Variants in CKAP2L observed in about 807,000 individuals in gnomAD.
CKAP2L encodes cytoskeleton associated protein 2L.
CKAP2L carries 42 observed loss-of-function variants against 65.7 expected under a neutral mutation model. The ratio of observed to expected loss-of-function variants is 0.64; its 90% CI spans 0.50 to 0.83. The LOEUF (loss-of-function observed/expected upper bound fraction) is 0.83. Ranked by LOEUF, CKAP2L falls within the 40% of genes least tolerant of loss-of-function variation. CKAP2L has a pLI of 0.00. For missense variants in CKAP2L, 908 were observed against 871.0 expected, an observed-to-expected ratio of 1.04 and a Z score of -0.53; for synonymous variants, 325 against 313.5, an observed-to-expected ratio of 1.04 and a Z score of -0.39.
At chr2:112,753,688 C>T (rs1182582728) in intron 4 of CKAP2L, among the ~76,000 whole-genome samples, 3 of 151,898 alleles carry the variant, frequency 2.0e-5, no homozygotes, top group East Asian at 1.9e-4. Flanking sequence ...CCACCACACC[C>T]GGCTAATTTT....
chr2:112,760,682 CA>C, intron 3 of CKAP2L, 30 bp downstream of exon 3: 1 of 1,088,798 alleles, frequency 9.2e-7, no homozygotes, highest in Non-Finnish European at 1.4e-6. Flanking sequence ...CTTATGAATG[CA>C]TATTTTTAAA....
Position 112,756,111 on chromosome 2 carries a change from G to C in CKAP2L, c.1260C>G (p.Ser420=). 1.2e-6 allele frequency: 2 copies of C among 1,614,016 alleles called. No homozygotes were observed. Among genetic ancestry groups the C allele is most frequent in the South Asian group, 2.2e-5 (2 of 91,054 alleles). ...GFQQKAQTLD[S]KLKKAVPQNH... The stretch of plus-strand genomic sequence containing the variant: ...TCTGGGGAACAGCCTTTTTCAACTT[G>C]GAGTCCAAAGTCTGTGCTTTTTGCT... Residue 420 remains serine (S), a synonymous_variant, in exon 4 of 9, where the codon TCC becomes TCG. Transcript: ENST00000302450.
chr2:112,743,470 C>T (rs551397515), intron 6 of CKAP2L, among the ~76,000 whole-genome samples: 1 of 151,494 alleles, frequency 6.6e-6, no homozygotes, highest in African/African-American at 2.4e-5. Flanking sequence ...GAGATGGAGT[C>T]TCTGTCACCC....
At chr2:112,741,940 G>GTTTTTTTTTTTTT (rs57634251) in intron 7 of CKAP2L, among the ~76,000 whole-genome samples, 1 of 71,900 alleles carries the variant, frequency 1.4e-5, no homozygotes, top group African/African-American at 5.6e-5. Context: ...TTTCTTTTCT[G>GTTTTTTTTTTTTT]TTTTTTTTTT....
chr2:112,754,180 C>T (rs1411445335), intron 4 of CKAP2L, among the ~76,000 whole-genome samples: 2 of 152,322 alleles, frequency 1.3e-5, no homozygotes, highest in Admixed American at 6.5e-5. Flanking sequence ...CCTCATGCTC[C>T]TTGGTAGTCA....
At chr2:112,764,451 A>T (rs1457136862) in intron 1 of CKAP2L, 111 bp downstream of exon 1, 5 of 1,209,732 alleles carry the variant, frequency 4.1e-6, no homozygotes, top group Non-Finnish European at 6.1e-6. Flanking sequence ...GGGGAAACTT[A>T]GGCAGGCGAG....
At chr2:112,740,204 G>T (rs914014141) in intron 8 of CKAP2L, among the ~76,000 whole-genome samples, 1 of 152,172 alleles carries the variant, frequency 6.6e-6, no homozygotes, top group African/African-American at 2.4e-5. Context: ...GTGGGAAAAT[G>T]GTGTGTGTCA....
Position 112,762,498 on chromosome 2 carries a change from C to T in CKAP2L, c.104+5G>A. 6.2e-7 allele frequency: 1 copy of T among 1,612,530 alleles called. No homozygotes were observed. Among genetic ancestry groups the T allele is most frequent in the Non-Finnish European group, 8.5e-7 (1 of 1,178,478 alleles). On this transcript the variant is annotated splice_donor_5th_base_variant and intron_variant, in intron 2 of 8. Transcript: ENST00000302450. ...ACTTGCGTAACTGTGGACAGATAAACTCACTTGGTGTTTTGGCTCTTCAGT... is the reference window on the plus strand; with the variant it reads ...ACTTGCGTAACTGTGGACAGATAAATTCACTTGGTGTTTTGGCTCTTCAGT...
chr2:112,756,527 AGT>A lies in CKAP2L; in HGVS notation c.842_843del (p.His281LeufsTer6). The A allele has an allele frequency of 6.2e-7, 1 of 1,609,408 alleles. No individual in the cohort carries two copies. Among genetic ancestry groups the A allele is most frequent in the Non-Finnish European group, 8.5e-7 (1 of 1,178,260 alleles). ...TGAACTTTACTAAGGGTCCGAATAA[AGT>A]GAGAGGGAACCGTCCTTGAGGGTTT... ...GVKPSRTVPS[H>X]FIRTLSKVQS... is the part of the protein sequence containing the mutation. On this transcript the variant is annotated frameshift_variant, in exon 4 of 9. Transcript: ENST00000302450. LOFTEE classifies it high-confidence loss of function.
chr2:112,741,373 A>G (rs191240156), intron 7 of CKAP2L, among the ~76,000 whole-genome samples: 1 of 152,146 alleles, frequency 6.6e-6, no homozygotes, highest in East Asian at 1.9e-4. Context: ...AATTTTCTTG[A>G]CTCACTAAGG....
chr2:112,760,570 G>C (rs1680687369), intron 3 of CKAP2L, 143 bp downstream of exon 3: 2 of 510,814 alleles, frequency 3.9e-6, no homozygotes, highest in South Asian at 5.9e-5. Flanking sequence ...AAAAATGATT[G>C]TCTCTTATTA....
Position 112,737,465 on chromosome 2 carries a change from T to C in CKAP2L, c.*1358A>G, listed in dbSNP as rs1679370258. 1 of 152,222 alleles carries C rather than the reference T, an allele frequency of 6.6e-6. No homozygotes were observed. Among genetic ancestry groups the C allele is most frequent in the South Asian group, 2.1e-4 (1 of 4,830 alleles). The allele number at this position is 152,222 out of a possible 1,614,324, so 9.4% of individuals were successfully genotyped here. ...CAGTGGTTTTAATTTACATTATTCTTATGATTAATGATGCTGAACACCTTT... is the reference window on the plus strand; with the variant it reads ...CAGTGGTTTTAATTTACATTATTCTCATGATTAATGATGCTGAACACCTTT... On this transcript the variant is annotated 3_prime_UTR_variant, in exon 9 of 9. Transcript: ENST00000302450.
chr2:112,741,975 A>C (rs1301008800), intron 7 of CKAP2L, among the ~76,000 whole-genome samples: 1 of 142,710 alleles, frequency 7.0e-6, no homozygotes, highest in Non-Finnish European at 1.5e-5. Context: ...TTTAAAGACA[A>C]GACAGGGTTT....
rs1679235836 is a variant in CKAP2L at position 112,736,761 on chromosome 2, G to T, written c.*2062C>A. On this transcript the variant is annotated 3_prime_UTR_variant, in exon 9 of 9. Coordinates refer to ENST00000302450, the MANE Select transcript of CKAP2L (RefSeq NM_152515.5). ...AGGTCCATCTATGTTGTGGCAAATG[G>T]CAAGAACTCCCTCTTTTCCAAGGAT... 1 of 152,142 alleles carries T rather than the reference G, an allele frequency of 6.6e-6. No homozygotes were observed. Among genetic ancestry groups the T allele is most frequent in the Non-Finnish European group, 1.5e-5 (1 of 68,030 alleles). 9.4% of individuals were successfully genotyped at this position (152,142 alleles called of 1,614,324 possible). A position where few individuals can be genotyped will look rare whatever the true frequency, so the allele number is the denominator to read the frequency against.
Position 112,753,614 on chromosome 2 carries a change from G to A in CKAP2L, c.1395-1140C>T, listed in dbSNP as rs374996663. 2.2e-4 allele frequency among the ~76,000 whole-genome samples: 30 copies of A among 138,318 alleles called. 1 individual carries two copies. Among genetic ancestry groups the A allele is most frequent in the African/African-American group, 7.0e-4 (26 of 37,398 alleles). The allele number at this position is 138,318 out of a possible 152,430, so 90.7% of individuals were successfully genotyped here. A position where few individuals can be genotyped will look rare whatever the true frequency, so the allele number is the denominator to read the frequency against. On this transcript the variant is annotated intron_variant, in intron 4 of 8. Transcript: ENST00000302450. Reference sequence around the variant, plus strand: ...ATGATCTCAGGTCACTGCAACCTCCGCCTCCTGGGTTCAAGTGATTCTTGT... The same window carrying A: ...ATGATCTCAGGTCACTGCAACCTCCACCTCCTGGGTTCAAGTGATTCTTGT...
At chr2:112,761,623 A>G (rs1225618990) in intron 2 of CKAP2L, among the ~76,000 whole-genome samples, 4 of 152,066 alleles carry the variant, frequency 2.6e-5, no homozygotes, top group Non-Finnish European at 4.4e-5. Context: ...ATTGGAAAAC[A>G]GAGGTGAATT....
At position 112,737,934 on chromosome 2, in the gene CKAP2L, A is replaced by G. The variant is rs1028995051; in HGVS notation, c.*889T>C. ...AAATATTAAGAAAGCTAAAATTTAA[A>G]ATGTGTTGACTAGGTTTTTCTACAC... On this transcript the variant is annotated 3_prime_UTR_variant, in exon 9 of 9. Coordinates refer to ENST00000302450, the MANE Select transcript of CKAP2L (RefSeq NM_152515.5). 1 of 152,116 alleles carries G rather than the reference A, an allele frequency of 6.6e-6. No individual in the cohort carries two copies. Among genetic ancestry groups the G allele is most frequent in the Non-Finnish European group, 1.5e-5 (1 of 68,036 alleles). 9.4% of individuals were successfully genotyped at this position (152,116 alleles called of 1,614,324 possible). A position where few individuals can be genotyped will look rare whatever the true frequency, so the allele number is the denominator to read the frequency against.
chr2:112,761,283 A>G (rs1404113526), intron 2 of CKAP2L, among the ~76,000 whole-genome samples: 1 of 151,884 alleles, frequency 6.6e-6, no homozygotes, highest in Non-Finnish European at 1.5e-5. Context: ...ACACAGTGAA[A>G]CCCCATCGCT....
At chr2:112,761,541 AG>A (rs1233049047) in intron 2 of CKAP2L, among the ~76,000 whole-genome samples, 3 of 151,856 alleles carry the variant, frequency 2.0e-5, no homozygotes, top group African/African-American at 4.8e-5. Flanking sequence ...AAGGGGGTAA[AG>A]AAATATTAAA....
Sources: gnomAD v4.1 joint callset for allele counts (sites outside exome capture counted in the v4.1 genomes callset) on GRCh38, gnomAD v4.1.1 for gene constraint, MANE v1.5 for transcripts, NCBI Gene and HGNC (gene_info 2026-07-23, HGNC 2026-07-21) for gene names.